Variants in CHRM5 observed in about 807,000 individuals in gnomAD.
CHRM5 encodes the protein cholinergic receptor muscarinic 5.
In CHRM5, 18 loss-of-function variants were observed where a neutral mutation model predicts 39.0. That is an observed-to-expected ratio of 0.46 (90% CI 0.32 to 0.68). The LOEUF is 0.68. Ranked by LOEUF, CHRM5 falls within the 30% of genes least tolerant of loss-of-function variation. The pLI is 0.04. For synonymous variants in CHRM5, 241 were observed against 246.3 expected (o/e 0.98, Z 0.20); for missense variants, 515 against 651.1 (o/e 0.79, Z 2.28).
At chr15:34,055,556 C>G (rs575251525) in intron 2 of CHRM5, among the ~76,000 whole-genome samples, 43 of 150,974 alleles carry the variant, frequency 2.8e-4, no homozygotes, top group Admixed American at 1.4e-3. Flanking sequence ...AATCCCAGCA[C>G]TTTGGGAGGC....
intron 1 of CHRM5, among the ~76,000 whole-genome samples, chr15:34,029,576 G>A (rs1898672932): frequency 1.3e-5 from 2 of 149,942 alleles, no homozygotes; most frequent in Admixed American, 1.3e-4. Context: ...TTTAGGAGTT[G>A]TTTACATATT....
At chr15:34,023,785 A>C (rs1898315769) in intron 1 of CHRM5, among the ~76,000 whole-genome samples, 1 of 152,290 alleles carries the variant, frequency 6.6e-6, no homozygotes, top group Non-Finnish European at 1.5e-5. Flanking sequence ...AACTAAAAAG[A>C]CCTAATCTAT....
intron 1 of CHRM5, chr15:34,039,119 G>A (rs1351910921): frequency 1.7e-5 from 18 of 1,049,394 alleles, no homozygotes; most frequent in Non-Finnish European, 2.0e-5. Flanking sequence ...CACCGGAAGC[G>A]GGCCGCACGG....
chr15:33,985,409 G>GGGCA (rs1896386440), intron 1 of CHRM5, among the ~76,000 whole-genome samples: 1 of 151,184 alleles, frequency 6.6e-6, no homozygotes, highest in Non-Finnish European at 1.5e-5. Flanking sequence ...ACTGAGCTGA[G>GGGCA]TGCATGCCCT....
chr15:34,037,199 A>C (rs1487602037), intron 1 of CHRM5, among the ~76,000 whole-genome samples: 9 of 152,086 alleles, frequency 5.9e-5, no homozygotes, highest in Non-Finnish European at 1.5e-5. Context: ...CACTCAATTC[A>C]ACTTAAAGAC....
intron 1 of CHRM5, among the ~76,000 whole-genome samples, chr15:33,983,161 T>TGTA (rs1555512753): frequency 2.3e-5 from 2 of 86,884 alleles, no homozygotes; most frequent in African/African-American, 7.1e-5. Context: ...TGTGTGTGTA[T>TGTA]GTGTGTGTGT....
At chr15:33,974,253 C>G (rs1401559031) in intron 1 of CHRM5, among the ~76,000 whole-genome samples, 5 of 152,188 alleles carry the variant, frequency 3.3e-5, no homozygotes, top group African/African-American at 9.7e-5. Flanking sequence ...AGAGATACTA[C>G]AGTCATCTTT....
At chr15:34,036,809 G>C (rs1054225144) in intron 1 of CHRM5, among the ~76,000 whole-genome samples, 3 of 151,982 alleles carry the variant, frequency 2.0e-5, no homozygotes, top group African/African-American at 7.2e-5. Context: ...TTCTTTTAAT[G>C]ATATACCATC....
chr15:34,006,160 A>C (rs1405581375), intron 1 of CHRM5, among the ~76,000 whole-genome samples: 1 of 152,084 alleles, frequency 6.6e-6, no homozygotes, highest in East Asian at 1.9e-4. Flanking sequence ...AAATACAAAA[A>C]ATTAACTGGG....
chr15:34,046,972 C>T (rs1376318621), intron 2 of CHRM5, 101 bp downstream of exon 2: 1 of 152,304 alleles, frequency 6.6e-6, no homozygotes, highest in Admixed American at 6.5e-5. Context: ...GCCAGCAGAG[C>T]CTTAGGTCCA....
At chr15:33,983,866 C>T (rs776873519) in intron 1 of CHRM5, among the ~76,000 whole-genome samples, 14 of 151,318 alleles carry the variant, frequency 9.3e-5, no homozygotes, top group Non-Finnish European at 1.8e-4. Flanking sequence ...TGACATGATC[C>T]AACAAGAAAG....
intron 1 of CHRM5, chr15:33,972,364 C>T (rs1895674233): frequency 6.6e-6 from 1 of 152,054 alleles, no homozygotes; most frequent in Non-Finnish European, 1.5e-5. Context: ...AAGACGGTGT[C>T]TCTGAATGAG....
intron 1 of CHRM5, among the ~76,000 whole-genome samples, chr15:34,004,849 G>C (rs1897275379): frequency 6.6e-6 from 1 of 151,968 alleles, no homozygotes; most frequent in African/African-American, 2.4e-5. Flanking sequence ...AAACAGAGAT[G>C]CATGTAGAAT....
chr15:34,029,088 T>C (rs1373410257), intron 1 of CHRM5, among the ~76,000 whole-genome samples: 2 of 152,110 alleles, frequency 1.3e-5, no homozygotes, highest in Non-Finnish European at 2.9e-5. Flanking sequence ...ACGTTCATGC[T>C]ACCCACCAGA....
chr15:34,040,973 T>A (rs1899450872), intron 1 of CHRM5, among the ~76,000 whole-genome samples: 1 of 151,842 alleles, frequency 6.6e-6, no homozygotes, highest in Non-Finnish European at 1.5e-5. Context: ...GGAAGGGGCA[T>A]GGAAGAATAT....
chr15:34,033,046 T>C (rs1400354190), intron 1 of CHRM5, among the ~76,000 whole-genome samples: 3 of 152,204 alleles, frequency 2.0e-5, no homozygotes, highest in Non-Finnish European at 4.4e-5. Context: ...TCTACCTATT[T>C]ATGTGAACAA....
chr15:34,036,508 G>A (rs1899134641), intron 1 of CHRM5, among the ~76,000 whole-genome samples: 2 of 152,126 alleles, frequency 1.3e-5, no homozygotes, highest in Admixed American at 1.3e-4. Flanking sequence ...GAACAAGAAG[G>A]CTTCAGGAAA....
chr15:33,978,990 G>A (rs978971638), intron 1 of CHRM5, among the ~76,000 whole-genome samples: 10 of 152,002 alleles, frequency 6.6e-5, no homozygotes, highest in Admixed American at 2.0e-4. Context: ...ACAATAAATG[G>A]GACCTACTGG....
At chr15:33,994,067 C>A (rs1204509507) in intron 1 of CHRM5, among the ~76,000 whole-genome samples, 1 of 152,218 alleles carries the variant, frequency 6.6e-6, no homozygotes, top group East Asian at 1.9e-4. Context: ...AGGGGGTCCC[C>A]CACCCCCAGA....
Sources: allele counts gnomAD v4.1 joint callset (sites outside exome capture counted in the v4.1 genomes callset), GRCh38; gene constraint gnomAD v4.1.1; transcripts MANE v1.5; gene names NCBI Gene and HGNC (gene_info 2026-07-23, HGNC 2026-07-21).